The following FGD5 variants were observed in gnomAD, a reference collection of about 807,000 sequenced individuals.
FGD5 encodes the protein FYVE, RhoGEF and PH domain containing 5.
In FGD5, 28 loss-of-function variants were observed where a neutral mutation model predicts 133.4. That is an observed-to-expected ratio of 0.21 (90% confidence interval 0.16 to 0.29). The LOEUF (loss-of-function observed/expected upper bound fraction) is 0.29. Among genes scored for constraint, FGD5 ranks in the 10% least tolerant of loss-of-function variants. The pLI is 1.00. For missense variants in FGD5, 1,858 were observed against 1,895.2 expected (o/e 0.98, Z 0.36); for synonymous variants, 810 against 776.5 (o/e 1.04, Z -0.72).
chr3:14,819,523 C>T lies in FGD5; in HGVS notation c.452C>T (p.Ala151Val). 6.4e-7 allele frequency: 1 copy of T among 1,551,440 alleles called. No individual in the cohort carries two copies. Among genetic ancestry groups the T allele is most frequent in the Non-Finnish European group, 8.7e-7 (1 of 1,146,978 alleles). The change falls in exon 1 of 20, where the codon GCT becomes GTT. Residue 151 changes from alanine (A) to valine (V), a missense_variant. Transcript: ENST00000285046. This position sits in a 1 kb window ranked among gnomAD's most constrained non-coding sequence, Gnocchi z 4.1. ...LALEDEGEGC[A>V]DEPGTLEQVS... ...CTTGAGGATGAAGGGGAGGGCTGCG[C>T]TGATGAGCCAGGGACACTGGAGCAG...
At chr3:14,824,209 G>T (rs539213267) in intron 1 of FGD5, among the ~76,000 whole-genome samples, 1 of 152,372 alleles carries the variant, frequency 6.6e-6, no homozygotes, top group African/African-American at 2.4e-5. Context: ...AGCAAAGGGG[G>T]AGAAAAATCC....
intron 11 of FGD5, among the ~76,000 whole-genome samples, chr3:14,913,962 GC>G (rs1559503940): frequency 6.6e-6 from 1 of 152,038 alleles, no homozygotes; most frequent in Non-Finnish European, 1.5e-5. Context: ...GTCTGGCATG[GC>G]CCTTTATCAG....
At chr3:14,898,195 G>A in intron 6 of FGD5, 100 bp downstream of exon 6, 1 of 1,493,924 alleles carries the variant, frequency 6.7e-7, no homozygotes, top group Non-Finnish European at 9.2e-7. Context: ...GTAGGTGTGG[G>A]GCTGGGGAGC....
At chr3:14,830,006 T>C (rs1345062621) in intron 1 of FGD5, among the ~76,000 whole-genome samples, 2 of 152,200 alleles carry the variant, frequency 1.3e-5, no homozygotes, top group South Asian at 2.1e-4. Flanking sequence ...TCGGTGGGAA[T>C]GTGACAGAGT....
chr3:14,922,337 G>C lies in FGD5; in HGVS notation c.3670-74G>C. 6 of 1,539,550 alleles carry C rather than the reference G, an allele frequency of 3.9e-6. No homozygotes were observed. In the South Asian group the frequency reaches 7.3e-5, roughly 19 times the overall value. ...ACACCCTGCACAGAGACGCAGGGCA[G>C]GGCTCACTGGGCTCTGCATCTGGCT... On this transcript the variant is annotated intron_variant, in intron 14 of 19. Transcript: ENST00000285046. This position sits in a 1 kb window ranked among gnomAD's most constrained non-coding sequence, Gnocchi z 4.1.
At chr3:14,831,674 G>T (rs574619760) in intron 1 of FGD5, among the ~76,000 whole-genome samples, 1 of 152,294 alleles carries the variant, frequency 6.6e-6, no homozygotes, top group Admixed American at 6.5e-5. Context: ...GTTGAATTTG[G>T]ATTTGTACCT....
chr3:14,841,960 C>T (rs2036930184), intron 1 of FGD5, among the ~76,000 whole-genome samples: 1 of 152,234 alleles, frequency 6.6e-6, no homozygotes, highest in Non-Finnish European at 1.5e-5. Context: ...GCTTCCGTCT[C>T]TGCTCGGCAC....
intron 2 of FGD5, among the ~76,000 whole-genome samples, chr3:14,876,997 G>A (rs1266818914): frequency 6.6e-6 from 1 of 152,228 alleles, no homozygotes; most frequent in Non-Finnish European, 1.5e-5. Flanking sequence ...TAGCCCTGGG[G>A]ACAGCCTCAG....
chr3:14,815,101 T>G (rs148789767), upstream of FGD5, among the ~76,000 whole-genome samples: 389 of 152,300 alleles, frequency 2.6e-3, 2 homozygotes, highest in African/African-American at 9.0e-3. Context: ...AATGTGCATG[T>G]CCCTCTGCTC....
At chr3:14,834,155 A>G (rs897800346) in intron 1 of FGD5, among the ~76,000 whole-genome samples, 1 of 152,186 alleles carries the variant, frequency 6.6e-6, no homozygotes. Flanking sequence ...AAGTCTTGAA[A>G]ATTGGGAGTT....
intron 1 of FGD5, among the ~76,000 whole-genome samples, chr3:14,823,255 T>C (rs1227383381): frequency 6.6e-6 from 1 of 152,194 alleles, no homozygotes; most frequent in Non-Finnish European, 1.5e-5. Context: ...CTCTCCGTGC[T>C]GGTCAGAGAC....
At chr3:14,833,070 G>A (rs181676897) in intron 1 of FGD5, among the ~76,000 whole-genome samples, 13 of 152,298 alleles carry the variant, frequency 8.5e-5, no homozygotes, top group Admixed American at 2.6e-4. Flanking sequence ...GTTTCATCTC[G>A]TTTCCTGAGA....
At chr3:14,893,354 A>G (rs1380001143) in intron 4 of FGD5, among the ~76,000 whole-genome samples, 2 of 151,910 alleles carry the variant, frequency 1.3e-5, no homozygotes, top group Non-Finnish European at 2.9e-5. Context: ...TTTATTTATT[A>G]TGTATTTATT....
chr3:14,864,946 C>G (rs2037465701), intron 2 of FGD5, among the ~76,000 whole-genome samples: 1 of 152,218 alleles, frequency 6.6e-6, no homozygotes, highest in Admixed American at 6.5e-5. Flanking sequence ...GAATCCTTTC[C>G]CACAATGTAC....
chr3:14,883,788 A>G (rs1304784513), intron 4 of FGD5, among the ~76,000 whole-genome samples: 1 of 152,234 alleles, frequency 6.6e-6, no homozygotes, highest in East Asian at 1.9e-4. Flanking sequence ...ATGTAAGTAT[A>G]ATTTGCAGAA....
At chr3:14,812,597 A>G (rs956889267) in intron 1 of FGD5, among the ~76,000 whole-genome samples, 2 of 151,920 alleles carry the variant, frequency 1.3e-5, no homozygotes, top group African/African-American at 2.4e-5. Context: ...TCCTTTTTCA[A>G]TGTGATGGTA....
intron 4 of FGD5, among the ~76,000 whole-genome samples, chr3:14,895,952 CA>C (rs1159529278): frequency 1.9e-4 from 29 of 151,414 alleles, no homozygotes; most frequent in African/African-American, 6.3e-4. Flanking sequence ...AATACAGAGT[CA>C]GCATACAAAA....
intron 11 of FGD5, among the ~76,000 whole-genome samples, chr3:14,916,861 C>A (rs935525549): frequency 6.6e-6 from 1 of 152,168 alleles, no homozygotes; most frequent in Admixed American, 6.5e-5. Flanking sequence ...TGAGATGCAT[C>A]CACGTGGTGG....
At chr3:14,916,075 T>C (rs2125149532) in intron 11 of FGD5, among the ~76,000 whole-genome samples, 1 of 152,346 alleles carries the variant, frequency 6.6e-6, no homozygotes, top group South Asian at 2.1e-4. Flanking sequence ...CCCTGGTTCA[T>C]GTTGGCTCCA....
Sources: gnomAD v4.1 joint callset for allele counts (sites outside exome capture counted in the v4.1 genomes callset) on GRCh38, gnomAD v4.1.1 for gene constraint, Gnocchi (gnomAD v3.1) non-coding constraint, MANE v1.5 for transcripts, NCBI Gene and HGNC (gene_info 2026-07-23, HGNC 2026-07-21) for gene names.